Variants in TMEM117 observed in about 807,000 individuals in gnomAD.
TMEM117 encodes the protein transmembrane protein 117.
A neutral mutation model predicts 52.4 loss-of-function variants in TMEM117; 27 were observed. That is an observed-to-expected ratio of 0.51 (90% CI 0.38 to 0.71). The LOEUF is 0.71. Ranked by LOEUF, TMEM117 falls within the 30% of genes least tolerant of loss-of-function variation. The pLI is 0.00. For missense variants in TMEM117, 556 were observed against 630.5 expected (o/e 0.88, Z 1.26); for synonymous variants, 215 against 206.3 (o/e 1.04, Z -0.36).
intron 3 of TMEM117, among the ~76,000 whole-genome samples, chr12:44,120,527 G>A (rs960274375): frequency 6.6e-6 from 1 of 152,178 alleles, no homozygotes; most frequent in Non-Finnish European, 1.5e-5. Context: ...AGCTAGCCAT[G>A]TATGTAACCA....
chr12:44,048,817 G>T (rs1388652725), intron 3 of TMEM117, among the ~76,000 whole-genome samples: 1 of 152,126 alleles, frequency 6.6e-6, no homozygotes, highest in African/African-American at 2.4e-5. Context: ...ATACAAACAC[G>T]TACTGGACAG....
chr12:44,368,619 T>C (rs1951822313), intron 6 of TMEM117, among the ~76,000 whole-genome samples: 1 of 152,156 alleles, frequency 6.6e-6, no homozygotes, highest in Non-Finnish European at 1.5e-5. Context: ...ATATAGCCCA[T>C]AGGAGAAATT....
rs564600605 is a variant in TMEM117 at position 44,314,505 on chromosome 12, T to C, written c.768+14766T>C. On this transcript the variant is annotated intron_variant, in intron 6 of 7. Coordinates refer to ENST00000266534, the MANE Select transcript of TMEM117 (RefSeq NM_032256.3). Reference sequence around the variant, plus strand: ...GCTGGATTTCATTTGGCAGTTTTTTTTCTTTTTTTGAGGATTTTTGTGTCT... The same window carrying C: ...GCTGGATTTCATTTGGCAGTTTTTTCTCTTTTTTTGAGGATTTTTGTGTCT... 2.0e-5 allele frequency among the ~76,000 whole-genome samples: 3 copies of C among 152,102 alleles called. No individual in the cohort carries two copies. In the East Asian group the frequency reaches 5.8e-4, roughly 29 times the overall value.
intron 6 of TMEM117, among the ~76,000 whole-genome samples, chr12:44,352,508 A>G (rs868253864): frequency 2.0e-5 from 3 of 151,732 alleles, no homozygotes; most frequent in Admixed American, 1.3e-4. Flanking sequence ...ATGTGTTCTC[A>G]TTGTTCAATT....
intron 3 of TMEM117, among the ~76,000 whole-genome samples, chr12:44,097,757 C>T (rs1158138223): frequency 1.0e-5 from 1 of 95,588 alleles, no homozygotes; most frequent in Non-Finnish European, 1.8e-5. Flanking sequence ...GGAGATATAC[C>T]TAAATGACGA....
At chr12:43,809,082 A>G in the TMEM117 span, among the ~76,000 whole-genome samples, 1 of 152,226 alleles carries the variant, frequency 6.6e-6, no homozygotes, top group African/African-American at 2.4e-5. Flanking sequence ...AAATAATGAC[A>G]TTTTAAAATC....
At chr12:43,956,453 A>G (rs564306964) in intron 3 of TMEM117, among the ~76,000 whole-genome samples, 39 of 151,804 alleles carry the variant, frequency 2.6e-4, no homozygotes, top group South Asian at 2.3e-3. Flanking sequence ...CAAGGTAAAA[A>G]CACAACCCTG....
At chr12:43,963,006 G>A (rs1199972847) in intron 3 of TMEM117, among the ~76,000 whole-genome samples, 1 of 151,378 alleles carries the variant, frequency 6.6e-6, no homozygotes, top group Non-Finnish European at 1.5e-5. Flanking sequence ...ATCCTATATA[G>A]TAATAGGAAA....
intron 3 of TMEM117, among the ~76,000 whole-genome samples, chr12:44,064,453 C>T (rs1209148981): frequency 6.6e-6 from 1 of 152,156 alleles, no homozygotes; most frequent in Non-Finnish European, 1.5e-5. Context: ...CTGCCACTAA[C>T]TGGTGCTAAA....
At chr12:43,979,678 T>C (rs1262525095) in intron 3 of TMEM117, among the ~76,000 whole-genome samples, 1 of 152,174 alleles carries the variant, frequency 6.6e-6, no homozygotes, top group Non-Finnish European at 1.5e-5. Flanking sequence ...TGATAGCCCA[T>C]AAGTCATGCA....
At chr12:44,271,333 T>C (rs886978695) in intron 5 of TMEM117, among the ~76,000 whole-genome samples, 5 of 152,098 alleles carry the variant, frequency 3.3e-5, no homozygotes, top group African/African-American at 7.2e-5. Flanking sequence ...CTTCATTTCA[T>C]AGATTAAGAA....
At chr12:44,090,849 G>GTTTTTTTTTTTTTTTTTTTTTTTT (rs541939145) in intron 3 of TMEM117, among the ~76,000 whole-genome samples, 1 of 101,636 alleles carries the variant, frequency 9.8e-6, no homozygotes, top group African/African-American at 3.8e-5. Context: ...GTTTTTTTTT[G>GTTTTTTTTTTTTTTTTTTTTTTTT]TTTTTTTTTT....
At chr12:44,210,915 A>G (rs1949636976) in intron 4 of TMEM117, among the ~76,000 whole-genome samples, 1 of 152,140 alleles carries the variant, frequency 6.6e-6, no homozygotes, top group South Asian at 2.1e-4. Context: ...GATTAATGAT[A>G]TCGCTAAAAA....
chr12:43,878,716 A>G (rs1943845688), intron 2 of TMEM117, among the ~76,000 whole-genome samples: 1 of 152,238 alleles, frequency 6.6e-6, no homozygotes, highest in Admixed American at 6.5e-5. Flanking sequence ...TTTTAAGCCT[A>G]GTAGCACTAT....
intron 4 of TMEM117, among the ~76,000 whole-genome samples, chr12:44,210,335 A>G (rs576723310): frequency 6.6e-6 from 1 of 152,262 alleles, no homozygotes; most frequent in African/African-American, 2.4e-5. Context: ...TTGGATTTTT[A>G]AAATACCTTT....
chr12:43,859,345 G>A lies in TMEM117; in HGVS notation c.277+14417G>A, dbSNP rs368710987. Among the ~76,000 whole-genome samples the A allele has an allele frequency of 1.8e-4, 27 of 152,226 alleles. No homozygotes were observed. In the East Asian group the frequency reaches 5.2e-3, roughly 29 times the overall value. ...CAGTGTTTCTGGATCAGTAGTTTTGGGTAGACTGGCAGCAGGAAAGAGAAA... is the reference window on the plus strand; with the variant it reads ...CAGTGTTTCTGGATCAGTAGTTTTGAGTAGACTGGCAGCAGGAAAGAGAAA... On this transcript the variant is annotated intron_variant, in intron 2 of 7. Coordinates refer to ENST00000266534, the MANE Select transcript of TMEM117 (RefSeq NM_032256.3).
At chr12:44,054,701 A>ATTAT (rs1555197380) in intron 3 of TMEM117, among the ~76,000 whole-genome samples, 3 of 130,282 alleles carry the variant, frequency 2.3e-5, no homozygotes, top group Admixed American at 7.5e-5. Context: ...CAATAGGATT[A>ATTAT]TTTTTTTTTC....
chr12:43,821,850 G>T, the TMEM117 span, among the ~76,000 whole-genome samples: 2 of 152,152 alleles, frequency 1.3e-5, no homozygotes, highest in Admixed American at 1.3e-4. Context: ...CAGGGATTTG[G>T]TTCCTCTCAA....
At chr12:44,170,821 C>A (rs1949034740) in intron 4 of TMEM117, among the ~76,000 whole-genome samples, 1 of 151,998 alleles carries the variant, frequency 6.6e-6, no homozygotes, top group South Asian at 2.1e-4. Context: ...GTACCTTGTA[C>A]CCTTCAACAA....
Sources: allele counts gnomAD v4.1 joint callset (sites outside exome capture counted in the v4.1 genomes callset), GRCh38; gene constraint gnomAD v4.1.1; transcripts MANE v1.5; gene names NCBI Gene and HGNC (gene_info 2026-07-23, HGNC 2026-07-21).